The following GRM8 variants were observed in gnomAD, a reference collection of about 807,000 sequenced individuals.
GRM8 encodes the protein glutamate metabotropic receptor 8.
Under a neutral mutation model 87.2 loss-of-function variants are expected in GRM8, and 47 were observed. The observed-to-expected ratio is 0.54, with a 90% CI of 0.43 to 0.69. The LOEUF (loss-of-function observed/expected upper bound fraction) is 0.69. Ranked by LOEUF, GRM8 falls within the 30% of genes least tolerant of loss-of-function variation. The pLI is 0.00. For missense variants in GRM8, 1,019 were observed against 1,139.2 expected, an observed-to-expected ratio of 0.89 and a Z score of 1.52; for synonymous variants, 396 against 404.5, an observed-to-expected ratio of 0.98 and a Z score of 0.25.
At chr7:127,013,095 A>C (rs1815060810) in intron 3 of GRM8, among the ~76,000 whole-genome samples, 1 of 152,156 alleles carries the variant, frequency 6.6e-6, no homozygotes. Flanking sequence ...GGTTGAAACC[A>C]CTTTTAATCA....
At chr7:127,173,864 G>T (rs1228311116) in intron 2 of GRM8, among the ~76,000 whole-genome samples, 7 of 152,096 alleles carry the variant, frequency 4.6e-5, no homozygotes. Context: ...AGGGTCTAGA[G>T]GTGCTACCTG....
intron 3 of GRM8, among the ~76,000 whole-genome samples, chr7:127,028,174 G>T (rs887676223): frequency 6.6e-6 from 1 of 152,164 alleles, no homozygotes; most frequent in Non-Finnish European, 1.5e-5. Context: ...TGCATCCCAG[G>T]GATGAAGCCA....
At chr7:127,207,864 G>T (rs1796000168) in intron 2 of GRM8, among the ~76,000 whole-genome samples, 1 of 152,140 alleles carries the variant, frequency 6.6e-6, no homozygotes, top group African/African-American at 2.4e-5. Context: ...GCCATGCCAG[G>T]CAAGGGTTAA....
chr7:126,806,868 A>T (rs566289043), intron 6 of GRM8, among the ~76,000 whole-genome samples: 3 of 151,996 alleles, frequency 2.0e-5, no homozygotes, highest in Non-Finnish European at 4.4e-5. Flanking sequence ...CCCAGCTCCC[A>T]CCCGCGCGTC....
chr7:126,671,361 A>G (rs1229833391), intron 7 of GRM8, among the ~76,000 whole-genome samples: 6 of 152,224 alleles, frequency 3.9e-5, no homozygotes, highest in Admixed American at 2.0e-4. Flanking sequence ...CAAAAGGCCT[A>G]TGTAGAAATA....
In GRM8 at chr7:126,512,660, C is replaced by A. The variant is rs144182501; in HGVS notation, c.2430+20292G>T. 1.3e-4 allele frequency: 20 copies of A among 152,258 alleles called. No individual in the cohort carries two copies. The East Asian group carries it at 3.9e-3, about 30-fold the overall frequency. 9.4% of individuals were successfully genotyped at this position (152,258 alleles called of 1,614,324 possible). A position where few individuals can be genotyped will look rare whatever the true frequency, so the allele number is the denominator to read the frequency against. ...GGCTTTGGACATTTCCAGGCTGCCTCAGCACTCCTTCAAAAGCAAAATCAA... is the reference window on the plus strand; with the variant it reads ...GGCTTTGGACATTTCCAGGCTGCCTAAGCACTCCTTCAAAAGCAAAATCAA... On this transcript the variant is annotated intron_variant, in intron 9 of 10. Coordinates refer to ENST00000339582, the MANE Select transcript of GRM8 (RefSeq NM_000845.3).
chr7:126,577,529 C>T (rs1170944773), intron 8 of GRM8, among the ~76,000 whole-genome samples: 1 of 151,450 alleles, frequency 6.6e-6, no homozygotes, highest in Non-Finnish European at 1.5e-5. Context: ...CTATGAAGTT[C>T]TACTCTAATA....
intron 7 of GRM8, among the ~76,000 whole-genome samples, chr7:126,647,811 C>T (rs1803330384): frequency 6.6e-6 from 1 of 152,136 alleles, no homozygotes; most frequent in Non-Finnish European, 1.5e-5. Context: ...TGCACCGAAA[C>T]ATCTGCTTGT....
intron 3 of GRM8, among the ~76,000 whole-genome samples, chr7:126,915,683 A>C (rs1449564109): frequency 6.6e-6 from 1 of 152,148 alleles, no homozygotes; most frequent in Non-Finnish European, 1.5e-5. Context: ...AAAGAAAGAA[A>C]TATAAAAGAA....
chr7:126,510,779 G>T (rs774068832), intron 9 of GRM8, among the ~76,000 whole-genome samples: 18 of 152,074 alleles, frequency 1.2e-4, no homozygotes, highest in Non-Finnish European at 2.2e-4. Flanking sequence ...TCTTTTAAGA[G>T]CTCTCTCAGT....
chr7:127,187,797 A>G (rs1012906044), intron 2 of GRM8, among the ~76,000 whole-genome samples: 1 of 152,138 alleles, frequency 6.6e-6, no homozygotes, highest in Admixed American at 6.5e-5. Context: ...TCTCCAATAC[A>G]ATATCTTTAT....
At chr7:126,782,085 G>C (rs192129202) in intron 6 of GRM8, among the ~76,000 whole-genome samples, 1 of 152,170 alleles carries the variant, frequency 6.6e-6, no homozygotes, top group African/African-American at 2.4e-5. Flanking sequence ...CACACACAGC[G>C]TATTTCCAAA....
intron 9 of GRM8, among the ~76,000 whole-genome samples, chr7:126,486,316 C>A (rs546472371): frequency 6.6e-6 from 1 of 152,112 alleles, no homozygotes; most frequent in African/African-American, 2.4e-5. Context: ...GTTTCCACTC[C>A]AAAATGAACA....
At chr7:127,015,281 AG>A in intron 3 of GRM8, among the ~76,000 whole-genome samples, 2 of 151,658 alleles carry the variant, frequency 1.3e-5, no homozygotes, top group African/African-American at 2.4e-5. Flanking sequence ...AGAGAGAGAG[AG>A]AGAATGAACA....
At chr7:126,792,455 A>G (rs1821456520) in intron 6 of GRM8, among the ~76,000 whole-genome samples, 1 of 152,192 alleles carries the variant, frequency 6.6e-6, no homozygotes, top group Non-Finnish European at 1.5e-5. Flanking sequence ...CCAACAGTCT[A>G]TACTCTTAAC....
At chr7:126,931,054 A>T (rs766239157) in intron 3 of GRM8, among the ~76,000 whole-genome samples, 7 of 152,192 alleles carry the variant, frequency 4.6e-5, no homozygotes, top group Non-Finnish European at 7.3e-5. Flanking sequence ...GTGAGCAGAG[A>T]TGATACTGAA....
chr7:127,195,422 A>T (rs1184493772), intron 2 of GRM8, among the ~76,000 whole-genome samples: 1 of 152,184 alleles, frequency 6.6e-6, no homozygotes, highest in Admixed American at 6.5e-5. Context: ...GTTAAAAATT[A>T]GCTAATAATT....
At chr7:126,976,020 A>G (rs1810951617) in intron 3 of GRM8, among the ~76,000 whole-genome samples, 1 of 152,206 alleles carries the variant, frequency 6.6e-6, no homozygotes, top group Non-Finnish European at 1.5e-5. Flanking sequence ...TGCCAAGGAC[A>G]TTTCTTCAAG....
intron 7 of GRM8, among the ~76,000 whole-genome samples, chr7:126,710,407 C>T (rs1428317246): frequency 6.6e-6 from 1 of 152,200 alleles, no homozygotes; most frequent in Non-Finnish European, 1.5e-5. Flanking sequence ...TGGAGTCAAT[C>T]CTTTCAAGCC....
Sources: allele counts gnomAD v4.1 joint callset (sites outside exome capture counted in the v4.1 genomes callset), GRCh38; gene constraint gnomAD v4.1.1; transcripts MANE v1.5; gene names NCBI Gene and HGNC (gene_info 2026-07-23, HGNC 2026-07-21).